Variants in PSORS1C1 observed in about 807,000 individuals in gnomAD.
The protein encoded by PSORS1C1 is psoriasis susceptibility 1 candidate gene 1 protein.
In PSORS1C1, 7 loss-of-function variants were observed where a neutral mutation model predicts 9.4. That is an observed-to-expected ratio of 0.75 (90% CI 0.42 to 1.40). The LOEUF is 1.40. Ranked by LOEUF, PSORS1C1 falls within the 40% of genes most tolerant of loss-of-function variation. The pLI, the probability that PSORS1C1 is intolerant of heterozygous loss-of-function variation, is 0.01. For synonymous variants in PSORS1C1, 63 were observed against 69.4 expected (o/e 0.91, Z 0.46); for missense variants, 146 against 178.1 (o/e 0.82, Z 1.02).
At position 31,139,441 on chromosome 6, in the gene PSORS1C1, G is replaced by A. The variant is rs891978762; in HGVS notation, c.168-200G>A. 3.3e-6 allele frequency: 2 copies of A among 604,566 alleles called. No homozygotes were observed. Among genetic ancestry groups the A allele is most frequent in the African/African-American group, 3.7e-5 (2 of 53,960 alleles). The allele number at this position is 604,566 out of a possible 1,614,324, so 37.5% of individuals were successfully genotyped here. ...GGCGTTGGGAAGCACCGTAATTACAGGGTTGGGAGGCAGGATGCCTGCGCT... is the reference window on the plus strand; with the variant it reads ...GGCGTTGGGAAGCACCGTAATTACAAGGTTGGGAGGCAGGATGCCTGCGCT... On this transcript the variant is annotated intron_variant, in intron 5 of 5. Coordinates refer to ENST00000259881, the MANE Select transcript of PSORS1C1 (RefSeq NM_014068.3). This position sits in a 1 kb window ranked among gnomAD's most constrained non-coding sequence, Gnocchi z 5.2.
chr6:31,138,927 C>T, intron 5 of PSORS1C1, 148 bp downstream of exon 5: 1 of 1,606,424 alleles, frequency 6.2e-7, no homozygotes, highest in Non-Finnish European at 8.5e-7. Context: ...CTTGAGTATC[C>T]CTCATCACCC....
intron 3 of PSORS1C1, among the ~76,000 whole-genome samples, chr6:31,135,959 T>C (rs1581867022): frequency 6.6e-6 from 1 of 152,136 alleles, no homozygotes; most frequent in East Asian, 1.9e-4. Context: ...GAGGCTGAGA[T>C]AGGAGGATTG....
chr6:31,137,782 G>T (rs1773219887), intron 3 of PSORS1C1: 2 of 418,474 alleles, frequency 4.8e-6, no homozygotes, highest in Non-Finnish European at 8.5e-6. Flanking sequence ...CTCAGGAGGG[G>T]ACAGGAAATA....
chr6:31,127,801 C>T (rs1434748771), intron 2 of PSORS1C1, among the ~76,000 whole-genome samples: 4 of 151,314 alleles, frequency 2.6e-5, no homozygotes, highest in Admixed American at 6.6e-5. Context: ...GCGACAAGAG[C>T]GAAACTCTGT....
At position 31,139,411 on chromosome 6, in the gene PSORS1C1, C is replaced by A. The variant is rs1452883458; in HGVS notation, c.168-230C>A. On this transcript the variant is annotated intron_variant, in intron 5 of 5. Transcript: ENST00000259881. The surrounding 1 kb of genome is among the most constrained non-coding windows in gnomAD (Gnocchi z 5.2). ...AGCCAAAGAATGGGAGCAAACCACGCGATGGGCGTTGGGAAGCACCGTAAT... is the reference window on the plus strand; with the variant it reads ...AGCCAAAGAATGGGAGCAAACCACGAGATGGGCGTTGGGAAGCACCGTAAT... The A allele has an allele frequency of 3.4e-6, 2 of 594,904 alleles. No individual in the cohort carries two copies. The highest frequency in any genetic ancestry group is 4.1e-5 in the South Asian group (2 of 48,356). 36.9% of individuals were successfully genotyped at this position (594,904 alleles called of 1,614,324 possible).
intron 1 of PSORS1C1, chr6:31,116,990 G>T (rs779003367): frequency 6.2e-7 from 1 of 1,614,184 alleles, no homozygotes; most frequent in East Asian, 2.2e-5. Flanking sequence ...CTGACGCTTT[G>T]GCCACTGCTG....
chr6:31,116,344 G>C (rs777897091), intron 1 of PSORS1C1: 1 of 1,613,130 alleles, frequency 6.2e-7, no homozygotes, highest in South Asian at 1.1e-5. Context: ...GCCTGGTGGG[G>C]AGCAGGGGCT....
In PSORS1C1 at chr6:31,138,458, C is replaced by T. The variant is rs1433941459; in HGVS notation, c.42C>T (p.Leu14=). 1.9e-6 allele frequency: 3 copies of T among 1,612,586 alleles called. No individual in the cohort carries two copies. Among genetic ancestry groups the T allele is most frequent in the South Asian group, 2.2e-5 (2 of 91,046 alleles). The change falls in exon 4 of 6, where the codon CTC becomes CTT. Residue 14 remains leucine (L), a splice_region_variant and synonymous_variant. Transcript: ENST00000259881. The part of the protein sequence containing the change: ...TDQKSHSQRA[L]GTQTPALQGP... ...AAAAAAGTCACTCTCAAAGAGCTCT[C>T]GGTAGGTTTGTAAATACTTAACTGA...
chr6:31,134,463 C>T (rs1172810683), intron 3 of PSORS1C1, among the ~76,000 whole-genome samples: 4 of 151,714 alleles, frequency 2.6e-5, no homozygotes, highest in African/African-American at 4.8e-5. Flanking sequence ...CCACCATGCC[C>T]GGCTAATTTT....
At chr6:31,133,582 C>T (rs1472666351) in intron 3 of PSORS1C1, 1 of 152,326 alleles carries the variant, frequency 6.6e-6, no homozygotes, top group Non-Finnish European at 1.5e-5. Flanking sequence ...TCCCAGAAGC[C>T]TCCCCTGACT....
chr6:31,137,078 G>C (rs3094665), intron 3 of PSORS1C1, among the ~76,000 whole-genome samples: 57,163 of 151,552 alleles, frequency 0.38, 12,397 homozygotes, highest in African/African-American at 0.59. Context: ...AACCCGGGAG[G>C]CGGAGGTTGC....
In PSORS1C1 at chr6:31,138,649, C is replaced by T. The variant is rs1248809973; in HGVS notation, c.44-7C>T. The T allele has an allele frequency of 1.9e-6, 3 of 1,612,976 alleles. No homozygotes were observed. The highest frequency in any genetic ancestry group is 2.5e-6 in the Non-Finnish European group (3 of 1,179,834). Reference sequence around the variant, plus strand: ...CAACCCAAAGTGGGTTACACCTTGGCCCCCAGGCACACAGACCCCAGCTTT... The same window carrying T: ...CAACCCAAAGTGGGTTACACCTTGGTCCCCAGGCACACAGACCCCAGCTTT... On this transcript the variant is annotated splice_region_variant and splice_polypyrimidine_tract_variant and intron_variant, in intron 4 of 5. Transcript: ENST00000259881.
intron 3 of PSORS1C1, among the ~76,000 whole-genome samples, chr6:31,133,208 G>T (rs529752696): frequency 2.0e-5 from 3 of 152,058 alleles, no homozygotes; most frequent in Non-Finnish European, 4.4e-5. Context: ...GCCCCACAAG[G>T]TTCATGGCCT....
chr6:31,132,979 C>T (rs569874953), intron 3 of PSORS1C1, among the ~76,000 whole-genome samples: 2 of 149,214 alleles, frequency 1.3e-5, no homozygotes, highest in Non-Finnish European at 3.0e-5. Context: ...ATTTGTCCAC[C>T]GTTGGTTAAG....
chr6:31,120,131 T>G lies in PSORS1C1; in HGVS notation c.-229+5240T>G, dbSNP rs3132547. ...TTAATTTGAGACACACAGACTAGAG[T>G]TAGGTGTCATTAACCCCACTTCAGA... On this transcript the variant is annotated intron_variant, in intron 1 of 5. Transcript: ENST00000259881. 0.76 allele frequency among the ~76,000 whole-genome samples: 115,178 copies of G among 151,992 alleles called. 43,957 individuals are homozygous for G. The highest frequency in any genetic ancestry group is 0.83 in the South Asian group (3,991 of 4,816).
Position 31,138,665 on chromosome 6 carries a change from C to T in PSORS1C1, c.53C>T (p.Thr18Ile), listed in dbSNP as rs1158359625. The stretch of plus-strand genomic sequence containing the variant: ...ACACCTTGGCCCCCAGGCACACAGA[C>T]CCCAGCTTTACAAGGACCCCAGCTC... ...SHSQRALGTQTPALQGPQLLN... is the reference protein window; with the variant it reads ...SHSQRALGTQIPALQGPQLLN... Residue 18 changes from threonine (T) to isoleucine (I), a missense_variant, in exon 5 of 6, where the codon ACC (threonine) becomes ATC (isoleucine). By Grantham distance (89) the Thr-to-Ile change is moderately conservative. Coordinates refer to ENST00000259881, the MANE Select transcript of PSORS1C1 (RefSeq NM_014068.3). 6.2e-7 allele frequency: 1 copy of T among 1,613,040 alleles called. No individual in the cohort carries two copies. Among genetic ancestry groups the T allele is most frequent in the Non-Finnish European group, 8.5e-7 (1 of 1,179,842 alleles).
chr6:31,132,589 C>T (rs111937492), intron 3 of PSORS1C1, among the ~76,000 whole-genome samples: 1 of 151,954 alleles, frequency 6.6e-6, no homozygotes, highest in African/African-American at 2.4e-5. Flanking sequence ...ATGGCTCACA[C>T]CTGTAATCCC....
chr6:31,119,370 A>T (rs1426168090), intron 1 of PSORS1C1, among the ~76,000 whole-genome samples: 1 of 152,024 alleles, frequency 6.6e-6, no homozygotes, highest in Non-Finnish European at 1.5e-5. Flanking sequence ...ATTCCCTCAG[A>T]CACCAACCAC....
rs1773286961 is a variant in PSORS1C1 at position 31,138,669 on chromosome 6, A to G, written c.57A>G (p.Pro19=). 6.2e-7 allele frequency: 1 copy of G among 1,613,172 alleles called. No homozygotes were observed. Among genetic ancestry groups the G allele is most frequent in the Non-Finnish European group, 8.5e-7 (1 of 1,179,858 alleles). Residue 19 remains proline, a synonymous_variant, in exon 5 of 6, where the codon CCA becomes CCG. Transcript: ENST00000259881. ...HSQRALGTQT[P]ALQGPQLLNT... ...CTTGGCCCCCAGGCACACAGACCCC[A>G]GCTTTACAAGGACCCCAGCTCCTTA...
Sources: allele counts gnomAD v4.1 joint callset (sites outside exome capture counted in the v4.1 genomes callset), GRCh38; gene constraint gnomAD v4.1.1; non-coding constraint Gnocchi (gnomAD v3.1); transcripts MANE v1.5; gene names NCBI Gene and HGNC (gene_info 2026-07-23, HGNC 2026-07-21).